ARID2: variants seen among roughly 807,000 people sequenced by gnomAD.
ARID2 encodes the protein AT-rich interactive domain-containing protein 2.
ARID2 carries 32 observed loss-of-function variants against 184.6 expected under a neutral mutation model. The observed-to-expected ratio is 0.17, with a 90% CI of 0.13 to 0.23. The LOEUF (loss-of-function observed/expected upper bound fraction) is 0.23. ARID2 is among the 10% of genes least tolerant of loss of function. ARID2 has a pLI of 1.00. For missense variants in ARID2, 1,696 were observed against 2,197.6 expected, an observed-to-expected ratio of 0.77 and a Z score of 4.56; for synonymous variants, 836 against 772.6, an observed-to-expected ratio of 1.08 and a Z score of -1.36.
At chr12:45,899,619 A>G (rs1944420930) in intron 20 of ARID2, among the ~76,000 whole-genome samples, 1 of 143,668 alleles carries the variant, frequency 7.0e-6, no homozygotes, top group Non-Finnish European at 1.5e-5. Flanking sequence ...ATATATATAT[A>G]TGTATATATT....
chr12:45,860,903 A>G lies in ARID2; in HGVS notation c.4876A>G (p.Arg1626Gly), dbSNP rs1943734313. Residue 1626 changes from arginine to glycine, a missense_variant, in exon 16 of 21, where the codon AGA becomes GGA. Coordinates refer to ENST00000334344, the MANE Select transcript of ARID2 (RefSeq NM_152641.4). The part of the protein sequence containing the change: ...SGSSQPGDPM[R>G]KPGQNFMCLW... ...ATCCAGTCAGCCTGGAGATCCAATG[A>G]GAAAACCTGGACAGAACTTCATGTG... 1.2e-6 allele frequency: 2 copies of G among 1,602,662 alleles called. No homozygotes were observed. The highest frequency in any genetic ancestry group is 2.3e-5 in the East Asian group (1 of 44,100).
At chr12:45,902,601 G>A (rs938298551) in intron 20 of ARID2, among the ~76,000 whole-genome samples, 3 of 150,328 alleles carry the variant, frequency 2.0e-5, no homozygotes, top group African/African-American at 4.9e-5. Context: ...GTGCAGTCTC[G>A]GCTCACTGCA....
chr12:45,794,189 TAAC>T, intron 3 of ARID2, among the ~76,000 whole-genome samples: 1 of 152,230 alleles, frequency 6.6e-6, no homozygotes. Flanking sequence ...TTTTCTCTCT[TAAC>T]TAAGCACTTA....
chr12:45,877,244 G>A (rs772612274), intron 16 of ARID2, among the ~76,000 whole-genome samples: 1 of 152,104 alleles, frequency 6.6e-6, no homozygotes, highest in African/African-American at 2.4e-5. Flanking sequence ...AAAAAGCAAA[G>A]CTTCATCTGT....
intron 16 of ARID2, among the ~76,000 whole-genome samples, chr12:45,876,679 T>C (rs1345104417): frequency 6.6e-6 from 1 of 151,674 alleles, no homozygotes; most frequent in African/African-American, 2.4e-5. Flanking sequence ...TGAAAGTGTT[T>C]TAAATATTGT....
chr12:45,737,777 G>C (rs1250985465), intron 3 of ARID2, among the ~76,000 whole-genome samples: 1 of 152,098 alleles, frequency 6.6e-6, no homozygotes, highest in African/African-American at 2.4e-5. Context: ...AGTTTAACAT[G>C]GCATGAACAT....
intron 3 of ARID2, among the ~76,000 whole-genome samples, chr12:45,731,716 A>AT (rs1220185778): frequency 2.0e-5 from 3 of 152,106 alleles, no homozygotes; most frequent in African/African-American, 7.2e-5. Flanking sequence ...AGTTTTAAAA[A>AT]TTCTGGCTTT....
rs1444595515 is a variant in ARID2 at position 45,851,746 on chromosome 12, C to T, written c.3623C>T (p.Thr1208Ile). 1 of 1,614,136 alleles carries T rather than the reference C, an allele frequency of 6.2e-7. No individual in the cohort carries two copies. Among genetic ancestry groups the T allele is most frequent in the African/African-American group, 1.3e-5 (1 of 75,054 alleles). ...GGAATTACCATGAGCGGAACGCAGACAGGAGTTGGACTTCCAGTACAAACG... is the reference window on the plus strand; with the variant it reads ...GGAATTACCATGAGCGGAACGCAGATAGGAGTTGGACTTCCAGTACAAACG... ...PAGITMSGTQ[T>I]GVGLPVQTLP... The change falls in exon 15 of 21, where the codon ACA becomes ATA. Residue 1208 changes from threonine to isoleucine, a missense_variant. Transcript: ENST00000334344.
intron 3 of ARID2, among the ~76,000 whole-genome samples, chr12:45,738,962 A>G (rs567181668): frequency 1.4e-4 from 21 of 151,336 alleles, no homozygotes; most frequent in Admixed American, 9.9e-4. Context: ...TACATTTTAC[A>G]GAGTGTTGTC....
At chr12:45,755,694 G>A (rs1283176233) in intron 3 of ARID2, among the ~76,000 whole-genome samples, 1 of 152,116 alleles carries the variant, frequency 6.6e-6, no homozygotes, top group Non-Finnish European at 1.5e-5. Context: ...TGTGCTGGAA[G>A]GAACTTTTTA....
intron 11 of ARID2, chr12:45,841,155 T>C (rs941824336): frequency 1.3e-5 from 2 of 152,122 alleles, no homozygotes; most frequent in African/African-American, 4.8e-5. Context: ...AAAGGAGCAG[T>C]GTTAGAGAAA....
intron 16 of ARID2, among the ~76,000 whole-genome samples, chr12:45,869,282 T>C (rs537927672): frequency 5.9e-5 from 9 of 152,200 alleles, no homozygotes; most frequent in Non-Finnish European, 7.3e-5. Flanking sequence ...CCCAAAGTGC[T>C]GGGATTACAG....
chr12:45,816,190 A>C (rs1565606834), intron 4 of ARID2, among the ~76,000 whole-genome samples: 1 of 152,192 alleles, frequency 6.6e-6, no homozygotes, highest in Non-Finnish European at 1.5e-5. Context: ...CCCATCTTCA[A>C]AGTTTTGTAA....
Position 45,904,971 on chromosome 12 carries a change from G to T in ARID2, c.5401G>T (p.Ala1801Ser). 6.2e-7 allele frequency: 1 copy of T among 1,613,952 alleles called. No individual in the cohort carries two copies. Among genetic ancestry groups the T allele is most frequent in the Non-Finnish European group, 8.5e-7 (1 of 1,179,968 alleles). ...ACATGAAAATAACTTATCAGTGCTA[G>T]CCATTAGTAACATGGAAGCTTCCTC... ...KRHENNLSVL[A>S]ISNMEASSTL... The change falls in exon 21 of 21, where the codon GCC (alanine) becomes TCC (serine). Residue 1801 changes from alanine to serine, a missense_variant. Ala to Ser is a moderately conservative substitution (Grantham distance 99). Coordinates refer to ENST00000334344, the MANE Select transcript of ARID2 (RefSeq NM_152641.4).
intron 5 of ARID2, among the ~76,000 whole-genome samples, chr12:45,820,652 G>A (rs571656429): frequency 6.6e-6 from 1 of 152,170 alleles, no homozygotes; most frequent in South Asian, 2.1e-4. Flanking sequence ...AATTTTTAAG[G>A]GGAAAAATAC....
chr12:45,787,341 C>T (rs993219923), intron 3 of ARID2, among the ~76,000 whole-genome samples: 1 of 151,676 alleles, frequency 6.6e-6, no homozygotes, highest in Admixed American at 6.6e-5. Context: ...CCTCAGCCTC[C>T]TATGTAGCTG....
intron 3 of ARID2, among the ~76,000 whole-genome samples, chr12:45,733,193 T>C (rs1164818176): frequency 1.3e-5 from 2 of 152,176 alleles, no homozygotes; most frequent in Non-Finnish European, 2.9e-5. Flanking sequence ...AATAAAACCA[T>C]GTGAAGATTT....
At chr12:45,793,636 G>T (rs1045152523) in intron 3 of ARID2, among the ~76,000 whole-genome samples, 2 of 150,614 alleles carry the variant, frequency 1.3e-5, no homozygotes, top group African/African-American at 4.9e-5. Context: ...TTAAATCCCA[G>T]AGGACAATAT....
chr12:45,860,845 G>A lies in ARID2; in HGVS notation c.4818G>A (p.Gln1606=), dbSNP rs903167906. The change falls in exon 16 of 21, where the codon CAG becomes CAA. Residue 1606 remains glutamine (Q), a synonymous_variant. Transcript: ENST00000334344. ...CACCAGCTGTACAAGTGCAGGGCCA[G>A]CCTAACAGTTCTCAGCCTTCTCCAT... ...PPSPAVQVQG[Q]PNSSQPSPFS... 4.4e-6 allele frequency: 7 copies of A among 1,608,502 alleles called. No individual in the cohort carries two copies. The highest frequency in any genetic ancestry group is 3.4e-5 in the Admixed American group (2 of 59,274).
Sources: allele counts gnomAD v4.1 joint callset (sites outside exome capture counted in the v4.1 genomes callset), GRCh38; gene constraint gnomAD v4.1.1; transcripts MANE v1.5; gene names NCBI Gene and HGNC (gene_info 2026-07-23, HGNC 2026-07-21).